ADCY2: variants seen among roughly 807,000 people sequenced by gnomAD.
The protein encoded by ADCY2 is adenylate cyclase type 2.
A neutral mutation model predicts 125.2 loss-of-function variants in ADCY2; 31 were observed. The observed-to-expected ratio is 0.25, with a 90% confidence interval of 0.19 to 0.33. ADCY2 has a LOEUF of 0.33. Among genes scored for constraint, ADCY2 ranks in the 10% least tolerant of loss-of-function variants. The pLI is 1.00. For synonymous variants in ADCY2, 512 were observed against 548.4 expected (o/e 0.93, Z 0.93); for missense variants, 904 against 1,418.2 (o/e 0.64, Z 5.82).
chr5:7,504,610 T>C (rs918969346), intron 2 of ADCY2, among the ~76,000 whole-genome samples: 1 of 151,486 alleles, frequency 6.6e-6, no homozygotes, highest in African/African-American at 2.4e-5. Context: ...CTCTTTCTTT[T>C]TTCTTTCTTT....
At chr5:7,663,068 G>A (rs909725546) in intron 4 of ADCY2, among the ~76,000 whole-genome samples, 11 of 152,308 alleles carry the variant, frequency 7.2e-5, no homozygotes, top group African/African-American at 1.2e-4. Context: ...GAGACCTAAC[G>A]GAGAAATCCA....
At chr5:7,563,112 G>T (rs1385130231) in intron 3 of ADCY2, among the ~76,000 whole-genome samples, 1 of 152,138 alleles carries the variant, frequency 6.6e-6, no homozygotes. Context: ...TTATGAAAGA[G>T]GTGATCTCTG....
chr5:7,416,342 C>T (rs1159776776), intron 2 of ADCY2, among the ~76,000 whole-genome samples: 1 of 152,170 alleles, frequency 6.6e-6, no homozygotes, highest in Non-Finnish European at 1.5e-5. Context: ...TCCTTTATCA[C>T]TCTCCCACTA....
At chr5:7,468,588 A>G (rs1262385317) in intron 2 of ADCY2, among the ~76,000 whole-genome samples, 2 of 152,222 alleles carry the variant, frequency 1.3e-5, no homozygotes, top group African/African-American at 4.8e-5. Context: ...GTCACCAATC[A>G]CAAAAGTTTG....
chr5:7,552,024 G>C (rs1735360884), intron 3 of ADCY2, among the ~76,000 whole-genome samples: 1 of 152,174 alleles, frequency 6.6e-6, no homozygotes, highest in African/African-American at 2.4e-5. Context: ...AATCAGTACA[G>C]AGTTGTGCCA....
chr5:7,762,711 C>G (rs1743262829), intron 16 of ADCY2, among the ~76,000 whole-genome samples: 1 of 146,764 alleles, frequency 6.8e-6, no homozygotes, highest in Non-Finnish European at 1.5e-5. Flanking sequence ...TACAGCTTTT[C>G]ATGTTTTTCT....
At chr5:7,496,053 T>C (rs1743335794) in intron 2 of ADCY2, among the ~76,000 whole-genome samples, 1 of 152,202 alleles carries the variant, frequency 6.6e-6, no homozygotes, top group Non-Finnish European at 1.5e-5. Context: ...GAATGGCCTG[T>C]TTAAAATGTA....
At chr5:7,503,977 A>C (rs1417926176) in intron 2 of ADCY2, among the ~76,000 whole-genome samples, 2 of 152,150 alleles carry the variant, frequency 1.3e-5, no homozygotes, top group Non-Finnish European at 2.9e-5. Flanking sequence ...CCTTTGCGGG[A>C]GTTTACCACC....
rs538200965 is a variant in ADCY2, at chr5:7,494,335, C to G, written c.409-26403C>G. Reference sequence around the variant, plus strand: ...GAACCCTTCTGTAGCTCCTCATACCCCTGATCAATTCTAAACTTCTTGCTG... The same window carrying G: ...GAACCCTTCTGTAGCTCCTCATACCGCTGATCAATTCTAAACTTCTTGCTG... On this transcript the variant is annotated intron_variant, in intron 2 of 24. Transcript: ENST00000338316. Among the ~76,000 whole-genome samples, 4 of 152,114 alleles carry G rather than the reference C, an allele frequency of 2.6e-5. No individual in the cohort carries two copies. The South Asian group carries it at 8.3e-4, about 32-fold the overall frequency.
At chr5:7,544,642 G>A (rs1379642271) in intron 3 of ADCY2, among the ~76,000 whole-genome samples, 2 of 152,158 alleles carry the variant, frequency 1.3e-5, no homozygotes, top group African/African-American at 4.8e-5. Flanking sequence ...ATTAGGATGT[G>A]AACAACATTG....
At chr5:7,661,577 T>A (rs1579289462) in intron 4 of ADCY2, among the ~76,000 whole-genome samples, 1 of 152,210 alleles carries the variant, frequency 6.6e-6, no homozygotes, top group Non-Finnish European at 1.5e-5. Context: ...CGACACTTGG[T>A]TTTAATGGTC....
chr5:7,557,500 A>G (rs1735564492), intron 3 of ADCY2, among the ~76,000 whole-genome samples: 1 of 152,046 alleles, frequency 6.6e-6, no homozygotes, highest in Admixed American at 6.6e-5. Flanking sequence ...CCCATTAGTT[A>G]TTTATCCTAA....
intron 2 of ADCY2, among the ~76,000 whole-genome samples, chr5:7,443,888 T>C (rs1259886262): frequency 1.3e-5 from 2 of 151,916 alleles, no homozygotes; most frequent in South Asian, 2.1e-4. Context: ...CCCTGATATA[T>C]AGTTGTGTTG....
chr5:7,816,179 G>T (rs1431568555), intron 22 of ADCY2, among the ~76,000 whole-genome samples: 2 of 152,206 alleles, frequency 1.3e-5, no homozygotes, highest in Non-Finnish European at 2.9e-5. Flanking sequence ...AACTTGGAGG[G>T]ACACAATTTA....
intron 7 of ADCY2, 138 bp downstream of exon 7, chr5:7,698,512 G>A (rs964501953): frequency 3.4e-6 from 3 of 876,088 alleles, no homozygotes; most frequent in African/African-American, 1.7e-5. Flanking sequence ...TTTACATTAG[G>A]TATTTCTACT....
intron 12 of ADCY2, among the ~76,000 whole-genome samples, chr5:7,717,479 A>C (rs2126377449): frequency 6.6e-6 from 1 of 152,360 alleles, no homozygotes; most frequent in South Asian, 2.1e-4. Context: ...CCTGAGGTGT[A>C]ATTGGAAAGA....
Position 7,816,927 on chromosome 5 carries a change from G to C in ADCY2, c.2945G>C (p.Gly982Ala). Residue 982 changes from glycine to alanine, a missense_variant, in exon 23 of 25, where the codon GGG (glycine) becomes GCG (alanine). Gly to Ala is a moderately conservative substitution (Grantham distance 60). Around this residue, in one of 7 missense-constraint regions of ADCY2, gnomAD observed 181 missense variants for 381.6 expected, o/e 0.47. Coordinates refer to ENST00000338316, the MANE Select transcript of ADCY2 (RefSeq NM_020546.3). Reference sequence around the variant, plus strand: ...GTGGAGTTTGCTTTTGCCCTGGTAGGGAAGCTGGATGCCATCAACAAGCAC... The same window carrying C: ...GTGGAGTTTGCTTTTGCCCTGGTAGCGAAGCTGGATGCCATCAACAAGCAC... ...TMVEFAFALV[G>A]KLDAINKHSF... 1.2e-6 allele frequency: 2 copies of C among 1,614,172 alleles called. No individual in the cohort carries two copies. Among genetic ancestry groups the C allele is most frequent in the Non-Finnish European group, 1.7e-6 (2 of 1,180,032 alleles).
chr5:7,704,806 C>T (rs531150588), intron 7 of ADCY2, among the ~76,000 whole-genome samples: 19 of 149,866 alleles, frequency 1.3e-4, no homozygotes, highest in East Asian at 1.0e-3. Context: ...TGAACCCGGG[C>T]GGCGGAGCTT....
intron 4 of ADCY2, among the ~76,000 whole-genome samples, chr5:7,679,717 A>T (rs886251231): frequency 7.9e-5 from 12 of 152,196 alleles, no homozygotes; most frequent in African/African-American, 1.9e-4. Context: ...CTACGCTAAG[A>T]TTATAAACGG....
Sources: allele counts gnomAD v4.1 joint callset (sites outside exome capture counted in the v4.1 genomes callset), GRCh38; gene constraint gnomAD v4.1.1; regional missense constraint gnomAD v4.1.1; transcripts MANE v1.5; gene names NCBI Gene and HGNC (gene_info 2026-07-23, HGNC 2026-07-21).